CFAP47: variants seen among roughly 807,000 people sequenced by gnomAD.
CFAP47 encodes the protein cilia and flagella associated protein 47, also known as cilia- and flagella-associated protein 47.
CFAP47 carries 29 observed loss-of-function variants against 148.1 expected under a neutral mutation model. The ratio of observed to expected loss-of-function variants is 0.20; its 90% CI spans 0.15 to 0.27. The LOEUF (loss-of-function observed/expected upper bound fraction) is 0.27, where lower values mean the gene tolerates loss of function less well. CFAP47 is among the 10% of genes least tolerant of loss of function. The probability of loss-of-function intolerance (pLI) is 1.00; values close to 1 mark genes in which losing one functional copy is unlikely to be tolerated. For synonymous variants in CFAP47, 664 were observed against 577.3 expected, an observed-to-expected ratio of 1.15 and a Z score of -2.15; for missense variants, 1,872 against 1,697.5, an observed-to-expected ratio of 1.10 and a Z score of -1.81.
intron 51 of CFAP47, among the ~76,000 whole-genome samples, chrX:36,288,385 T>A (rs1298575897): frequency 8.9e-6 from 1 of 112,141 alleles, no homozygotes; most frequent in Non-Finnish European, 1.9e-5. Context: ...ATAGTTTGGC[T>A]ATGGGAGAAT....
chrX:36,234,869 C>T (rs1197458611), intron 46 of CFAP47, among the ~76,000 whole-genome samples: 2 of 111,827 alleles, frequency 1.8e-5, no homozygotes, highest in Non-Finnish European at 3.8e-5. Context: ...TTGGAGTTTG[C>T]TAGAGGTCCA....
At chrX:36,315,388 TG>T (rs1439517314) in intron 56 of CFAP47, among the ~76,000 whole-genome samples, 1 of 111,988 alleles carries the variant, frequency 8.9e-6, no homozygotes, top group Non-Finnish European at 1.9e-5. Context: ...CATAAATACT[TG>T]TTATGCTCCA....
At chrX:35,984,737 T>G (rs1936692229) in intron 15 of CFAP47, among the ~76,000 whole-genome samples, 1 of 112,142 alleles carries the variant, frequency 8.9e-6, no homozygotes, top group Admixed American at 9.5e-5. Flanking sequence ...CAGGTTAATT[T>G]CCATTTAATT....
intron 26 of CFAP47, among the ~76,000 whole-genome samples, chrX:36,049,770 G>T (rs377320898): frequency 3.1e-4 from 35 of 111,746 alleles, no homozygotes; most frequent in South Asian, 2.7e-3. Context: ...GTTATTGGCC[G>T]GTGTTCAGAA....
chrX:36,298,799 T>C (rs913209238), intron 51 of CFAP47, among the ~76,000 whole-genome samples, 178 bp from the exon 52 acceptor site: 9 of 111,582 alleles, frequency 8.1e-5, no homozygotes, highest in Non-Finnish European at 1.5e-4. Flanking sequence ...TCAAGGCTAA[T>C]GAAAGAAAAC....
chrX:36,171,325 G>T (rs1039511471), intron 39 of CFAP47, among the ~76,000 whole-genome samples: 12 of 110,749 alleles, frequency 1.1e-4, no homozygotes, highest in Non-Finnish European at 5.7e-5. Flanking sequence ...GTCAATTTTG[G>T]CTTCTGTTGC....
intron 46 of CFAP47, 111 bp from the exon 47 acceptor site, chrX:36,235,823 T>C (rs781922698): frequency 1.7e-4 from 61 of 352,795 alleles, no homozygotes; most frequent in African/African-American, 1.3e-3. Context: ...TCCTTGGAAA[T>C]ACAATTAAAA....
intron 16 of CFAP47, among the ~76,000 whole-genome samples, chrX:35,990,729 T>C (rs1332795040): frequency 9.0e-6 from 1 of 111,403 alleles, no homozygotes; most frequent in Non-Finnish European, 1.9e-5. Context: ...CAATTCTTAG[T>C]CATGGGTCTA....
intron 30 of CFAP47, among the ~76,000 whole-genome samples, chrX:36,088,073 A>G (rs1938119607): frequency 9.0e-6 from 1 of 111,342 alleles, no homozygotes; most frequent in African/African-American, 3.3e-5. Flanking sequence ...GACACAAGCC[A>G]AACTGGATTT....
chrX:36,197,070 T>A (rs1555987339), intron 42 of CFAP47, among the ~76,000 whole-genome samples: 1 of 111,902 alleles, frequency 8.9e-6, no homozygotes, highest in African/African-American at 3.2e-5. Context: ...AAGATAAGCA[T>A]TATTTTCGAT....
chrX:36,303,770 G>A, intron 53 of CFAP47, 79 bp from the exon 54 acceptor site: 3 of 474,505 alleles, frequency 6.3e-6, no homozygotes. Context: ...TTTAATCCTA[G>A]GGGTCATCAA....
intron 49 of CFAP47, among the ~76,000 whole-genome samples, chrX:36,258,953 T>C (rs953626577): frequency 3.6e-5 from 4 of 112,014 alleles, no homozygotes; most frequent in Non-Finnish European, 7.5e-5. Flanking sequence ...ATTATCCTTC[T>C]CTAACTGTGT....
rs1220386429 is a variant in CFAP47 at position 36,147,849 on chromosome X, A to G, written c.5671-1259A>G. Among the ~76,000 whole-genome samples the G allele has an allele frequency of 2.7e-5, 3 of 112,486 alleles. No individual in the cohort carries two copies. In the Admixed American group the frequency reaches 2.8e-4, roughly 11 times the overall value. ...TTTCACTCTTCGAATATCTGTGACT[A>G]TAGGTCCTGAACTTCATAATTTGCA... On this transcript the variant is annotated intron_variant, in intron 36 of 63. Coordinates refer to ENST00000378653, the MANE Select transcript of CFAP47 (RefSeq NM_001304548.2).
chrX:36,319,180 A>G (rs782809329), intron 56 of CFAP47, 29 bp from the exon 57 acceptor site: 1 of 779,525 alleles, frequency 1.3e-6, no homozygotes, highest in Non-Finnish European at 1.8e-6. Context: ...GTGACATTGA[A>G]GTGTAATATC....
At chrX:36,322,344 G>A (rs10217977) in intron 57 of CFAP47, among the ~76,000 whole-genome samples, 11 of 109,631 alleles carry the variant, frequency 1.0e-4, no homozygotes, top group Non-Finnish European at 1.3e-4. Context: ...ATCAAGTCCC[G>A]CCCAAATCCC....
At chrX:36,037,402 G>A (rs1169019587) in intron 24 of CFAP47, among the ~76,000 whole-genome samples, 5 of 109,420 alleles carry the variant, frequency 4.6e-5, no homozygotes, top group Non-Finnish European at 7.6e-5. Context: ...TCGCCCTGTC[G>A]CCCAGGCTGG....
chrX:36,217,191 A>G (rs1555990250), intron 45 of CFAP47, among the ~76,000 whole-genome samples: 1 of 112,057 alleles, frequency 8.9e-6, no homozygotes, highest in East Asian at 2.8e-4. Context: ...TGGTTTCAGC[A>G]TGATCCTTCT....
chrX:36,067,159 A>G (rs1937652420), intron 27 of CFAP47, among the ~76,000 whole-genome samples: 1 of 111,061 alleles, frequency 9.0e-6, no homozygotes, highest in Admixed American at 9.6e-5. Context: ...GTTTGTGTCA[A>G]TAGGAGTTCT....
chrX:36,145,080 T>C (rs1047176022), intron 35 of CFAP47, 139 bp from the exon 36 acceptor site: 47 of 195,199 alleles, frequency 2.4e-4, no homozygotes, highest in Admixed American at 5.2e-4. Context: ...TATATGCGTG[T>C]GTGTGTGTGT....
Sources: gnomAD v4.1 joint callset for allele counts (sites outside exome capture counted in the v4.1 genomes callset) on GRCh38, gnomAD v4.1.1 for gene constraint, MANE v1.5 for transcripts, NCBI Gene and HGNC (gene_info 2026-07-23, HGNC 2026-07-21) for gene names.